Variants in ABCF3 observed in about 807,000 individuals in gnomAD.
ABCF3 encodes ATP binding cassette subfamily F member 3, also known as ATP-binding cassette sub-family F member 3.
ABCF3 carries 62 observed loss-of-function variants against 94.3 expected under a neutral mutation model. The observed-to-expected ratio is 0.66, with a 90% CI of 0.54 to 0.81. The LOEUF is 0.81. Ranked by LOEUF, ABCF3 falls within the 40% of genes least tolerant of loss-of-function variation. The pLI is 0.00. For synonymous variants in ABCF3, 355 were observed against 361.1 expected (o/e 0.98, Z 0.19); for missense variants, 843 against 925.3 (o/e 0.91, Z 1.15).
chr3:184,192,515 A>G (rs936132552), intron 16 of ABCF3, 86 bp from the exon 17 acceptor site: 3 of 1,278,304 alleles, frequency 2.3e-6, no homozygotes, highest in East Asian at 4.9e-5. Flanking sequence ...TATGTGCTCA[A>G]CACTTTTTAG....
Position 184,191,190 on chromosome 3 carries a change from G to T in ABCF3, c.1504G>T (p.Asp502Tyr). 3 of 1,614,154 alleles carry T rather than the reference G, an allele frequency of 1.9e-6. No homozygotes were observed. The highest frequency in any genetic ancestry group is 1.1e-5 in the South Asian group (1 of 91,082). ...GCTAGATGAGGTGGATTTCTACTAC[G>T]ATCCGAAGCACGTCATCTTCAGTCG... Reference protein sequence around the residue: ...LQLDEVDFYYDPKHVIFSRLS... With the variant: ...LQLDEVDFYYYPKHVIFSRLS... The change falls in exon 16 of 21, where the codon GAT becomes TAT. Residue 502 changes from aspartate (D) to tyrosine (Y), a missense_variant. By Grantham distance (160) the Asp-to-Tyr change is radical. Coordinates refer to ENST00000429586, the MANE Select transcript of ABCF3 (RefSeq NM_018358.3).
At chr3:184,186,770 TGC>T (rs1226627823) in intron 2 of ABCF3, 24 bp from the exon 3 acceptor site, 18 of 1,608,806 alleles carry the variant, frequency 1.1e-5, no homozygotes, top group Non-Finnish European at 1.4e-5. Context: ...CTCCTAACTC[TGC>T]GCTTTCTATC....
Position 184,186,589 on chromosome 3 carries a change from CG to C in ABCF3, c.160del (p.Asp54ThrfsTer43), listed in dbSNP as rs775761852. 2 of 1,613,920 alleles carry C rather than the reference CG, an allele frequency of 1.2e-6. No homozygotes were observed. Among genetic ancestry groups the C allele is most frequent in the Non-Finnish European group, 1.7e-6 (2 of 1,179,936 alleles). On this transcript the variant is annotated frameshift_variant, in exon 2 of 21. Coordinates refer to ENST00000429586, the MANE Select transcript of ABCF3 (RefSeq NM_018358.3). LOFTEE classifies it high-confidence loss of function. ...AVGELLQEVS[G>X]DSKDDAGIRA... Reference sequence around the variant, plus strand: ...TAGGGGAACTATTGCAAGAGGTGTCCGGGGACAGCAAGGATGACGCGGGCAT... The same window carrying C: ...TAGGGGAACTATTGCAAGAGGTGTCCGGGACAGCAAGGATGACGCGGGCAT...
chr3:184,187,839 C>G (rs370548692), intron 5 of ABCF3, 22 bp from the exon 6 acceptor site: 67 of 1,613,974 alleles, frequency 4.2e-5, no homozygotes, highest in Non-Finnish European at 5.5e-5. Flanking sequence ...GCACTAAGAG[C>G]TGTCCATTTC....
In ABCF3 at chr3:184,193,002, A is replaced by C. The variant is rs1469697336; in HGVS notation, c.1751-100A>C. 5 of 1,561,314 alleles carry C rather than the reference A, an allele frequency of 3.2e-6. No individual in the cohort carries two copies. Among genetic ancestry groups the C allele is most frequent in the Non-Finnish European group, 4.3e-6 (5 of 1,150,942 alleles). On this transcript the variant is annotated intron_variant, in intron 18 of 20. Transcript: ENST00000429586. The surrounding 1 kb of genome is among the most constrained non-coding windows in gnomAD (Gnocchi z 5.2). ...GGGGTGCGTGCAGAGCAGCCCCGCC[A>C]AGCCTAGATGGAAGGACATGGGGAC...
rs1716189897 is a variant in ABCF3, at chr3:184,193,886, G to A, written c.*188G>A. 2.6e-6 allele frequency: 2 copies of A among 778,060 alleles called. No homozygotes were observed. Among genetic ancestry groups the A allele is most frequent in the South Asian group, 4.0e-5 (2 of 50,506 alleles). The allele number at this position is 778,060 out of a possible 1,614,324, so 48.2% of individuals were successfully genotyped here. On this transcript the variant is annotated 3_prime_UTR_variant, in exon 21 of 21. Transcript: ENST00000429586. The surrounding 1 kb of genome is among the most constrained non-coding windows in gnomAD (Gnocchi z 5.2). ...GGGAGCCCATCCAAGGGTTGGTGAG[G>A]ACTGGTCTCCCGGGGGTGGGGGTCT...
rs1436772866 is a variant in ABCF3, at chr3:184,191,200, A to G, written c.1514A>G (p.His505Arg). 1.2e-6 allele frequency: 2 copies of G among 1,614,140 alleles called. No individual in the cohort carries two copies. Among genetic ancestry groups the G allele is most frequent in the South Asian group, 2.2e-5 (2 of 91,078 alleles). Residue 505 changes from histidine (H) to arginine (R), a missense_variant, in exon 16 of 21, where the codon CAC becomes CGC. His to Arg is a conservative substitution (Grantham distance 29, BLOSUM62 0). Coordinates refer to ENST00000429586, the MANE Select transcript of ABCF3 (RefSeq NM_018358.3). ...DEVDFYYDPK[H>R]VIFSRLSVSA... ...GTGGATTTCTACTACGATCCGAAGC[A>G]CGTCATCTTCAGTCGCCTCTCTGTG...
At chr3:184,192,554 A>G (rs1473286308) in intron 16 of ABCF3, 47 bp from the exon 17 acceptor site, 1 of 1,539,000 alleles carries the variant, frequency 6.5e-7, no homozygotes, top group Non-Finnish European at 8.9e-7. Flanking sequence ...AACATACCGT[A>G]TTTATTTTTC....
intron 14 of ABCF3, 68 bp downstream of exon 14, chr3:184,189,999 AC>A: frequency 6.5e-7 from 1 of 1,539,274 alleles, no homozygotes; most frequent in Non-Finnish European, 8.9e-7. Context: ...TTTGCACGCC[AC>A]CCTTGCCCTA....
In ABCF3 at chr3:184,193,275, C is replaced by T. The variant is rs776922254; in HGVS notation, c.1883+41C>T. 2 of 1,595,932 alleles carry T rather than the reference C, an allele frequency of 1.3e-6. No individual in the cohort carries two copies. The highest frequency in any genetic ancestry group is 1.1e-5 in the South Asian group (1 of 87,950). On this transcript the variant is annotated intron_variant, in intron 19 of 20. Coordinates refer to ENST00000429586, the MANE Select transcript of ABCF3 (RefSeq NM_018358.3). This position sits in a 1 kb window ranked among gnomAD's most constrained non-coding sequence, Gnocchi z 5.2. ...CCAGAGCTCTTCCCCTCCCATTTCCCCTTCTTGCCCAGTAGAAAACTGTAT... is the reference window on the plus strand; with the variant it reads ...CCAGAGCTCTTCCCCTCCCATTTCCTCTTCTTGCCCAGTAGAAAACTGTAT...
Position 184,193,245 on chromosome 3 carries a change from A to G in ABCF3, c.1883+11A>G. 1 of 1,574,116 alleles carries G rather than the reference A, an allele frequency of 6.4e-7. No homozygotes were observed. Among genetic ancestry groups the G allele is most frequent in the South Asian group, 1.2e-5 (1 of 83,396 alleles). On this transcript the variant is annotated intron_variant, in intron 19 of 20. Coordinates refer to ENST00000429586, the MANE Select transcript of ABCF3 (RefSeq NM_018358.3). The surrounding 1 kb of genome is among the most constrained non-coding windows in gnomAD (Gnocchi z 5.2). The stretch of plus-strand genomic sequence containing the variant: ...GATGACTATGCCCTGGTGAGGCCTC[A>G]TTTTCCAGAGCTCTTCCCCTCCCAT...
intron 14 of ABCF3, chr3:184,190,224 C>A: frequency 2.1e-6 from 1 of 473,728 alleles, no homozygotes; most frequent in Non-Finnish European, 3.8e-6. Flanking sequence ...TGTCTTTTAC[C>A]TGGCGTCATG....
chr3:184,191,374 C>G, intron 16 of ABCF3, 119 bp downstream of exon 16: 1 of 1,491,964 alleles, frequency 6.7e-7, no homozygotes, highest in Non-Finnish European at 9.2e-7. Flanking sequence ...GAGTGAGGGC[C>G]CGGGCTAAGG....
Position 184,186,600 on chromosome 3 carries a change from A to G in ABCF3, c.167A>G (p.Lys56Arg). The G allele has an allele frequency of 1.2e-6, 2 of 1,613,974 alleles. No individual in the cohort carries two copies. Among genetic ancestry groups the G allele is most frequent in the Non-Finnish European group, 1.7e-6 (2 of 1,179,900 alleles). ...ELLQEVSGDS[K>R]DDAGIRAVCQ... ...TTGCAAGAGGTGTCCGGGGACAGCA[A>G]GGATGACGCGGGCATCAGGGCCGTG... Residue 56 changes from lysine (K) to arginine (R), a missense_variant, in exon 2 of 21, where the codon AAG (lysine) becomes AGG (arginine). Coordinates refer to ENST00000429586, the MANE Select transcript of ABCF3 (RefSeq NM_018358.3).
chr3:184,192,517 A>T, intron 16 of ABCF3, 84 bp from the exon 17 acceptor site: 1 of 1,301,942 alleles, frequency 7.7e-7, no homozygotes. Flanking sequence ...TGTGCTCAAC[A>T]CTTTTTAGTG....
intron 11 of ABCF3, 42 bp from the exon 12 acceptor site, chr3:184,189,346 C>T (rs779059609): frequency 6.2e-7 from 1 of 1,614,186 alleles, no homozygotes; most frequent in Admixed American, 1.7e-5. Flanking sequence ...TCCTAGTTCT[C>T]CAGCCCTTCA....
At position 184,186,224 on chromosome 3, in the gene ABCF3, A is replaced by C; in HGVS notation, c.17A>C (p.Glu6Ala). The change falls in exon 1 of 21, where the codon GAA becomes GCA. Residue 6 changes from glutamate (E) to alanine (A), a missense_variant. Coordinates refer to ENST00000429586, the MANE Select transcript of ABCF3 (RefSeq NM_018358.3). MATCA[E>A]ILRSEFPEID... ...GAGTGGAACATGGCGACTTGCGCCG[A>C]AATCCTGCGGAGCGAGTTCCCCGAA... 1.2e-6 allele frequency: 2 copies of C among 1,614,182 alleles called. No homozygotes were observed. The highest frequency in any genetic ancestry group is 8.5e-7 in the Non-Finnish European group (1 of 1,180,038).
In ABCF3 at chr3:184,189,806, G is replaced by C. The variant is rs764470884; in HGVS notation, c.1314+49G>C. ...GGTCCCATCCCAGGGGTTCCAGAGT[G>C]GGGGATAGTGGGGGAATTTGACCAA... On this transcript the variant is annotated intron_variant, in intron 13 of 20. Transcript: ENST00000429586. 3.7e-6 allele frequency: 6 copies of C among 1,614,014 alleles called. No homozygotes were observed. The Admixed American group carries it at 5.0e-5, about 13-fold the overall frequency.
chr3:184,188,097 C>T (rs370600302), intron 6 of ABCF3, 44 bp from the exon 7 acceptor site: 31 of 1,610,368 alleles, frequency 1.9e-5, no homozygotes, highest in Middle Eastern at 3.3e-4. Flanking sequence ...TTGCTGTGCA[C>T]CTATTTCTAG....
Sources: gnomAD v4.1 joint callset for allele counts on GRCh38, gnomAD v4.1.1 for gene constraint, Gnocchi (gnomAD v3.1) non-coding constraint, MANE v1.5 for transcripts, NCBI Gene and HGNC (gene_info 2026-07-23, HGNC 2026-07-21) for gene names.